ZFHX3: variants seen among roughly 807,000 people sequenced by gnomAD.
ZFHX3 encodes the protein zinc finger homeobox 3.
ZFHX3 carries 42 observed loss-of-function variants against 279.1 expected under a neutral mutation model. The observed-to-expected ratio is 0.15, with a 90% CI of 0.12 to 0.19. ZFHX3 has a LOEUF of 0.19. ZFHX3 is among the 10% of genes least tolerant of loss of function. ZFHX3 has a pLI of 1.00. For missense variants in ZFHX3, 4,981 were observed against 4,754.0 expected (o/e 1.05, Z -1.40); for synonymous variants, 2,293 against 1,957.8 (o/e 1.17, Z -4.52).
intron 4 of ZFHX3, among the ~76,000 whole-genome samples, chr16:72,852,724 C>G (rs1311025500): frequency 6.6e-6 from 1 of 152,200 alleles, no homozygotes; most frequent in Non-Finnish European, 1.5e-5. Flanking sequence ...GGGGCTACTT[C>G]TGTTCTCTGT....
intron 1 of ZFHX3, among the ~76,000 whole-genome samples, chr16:73,055,696 G>GCACACACACACACA (rs200899475): frequency 2.0e-4 from 19 of 94,754 alleles, no homozygotes; most frequent in East Asian, 1.4e-3. Context: ...GCGCGCGCGC[G>GCACACACACACACA]CGCACACACA....
chr16:72,950,416 G>A (rs896513179), intron 3 of ZFHX3, 53 bp downstream of exon 3: 16 of 1,584,128 alleles, frequency 1.0e-5, no homozygotes, highest in Admixed American at 1.7e-5. Context: ...TCCCCGGTGC[G>A]CAACCCCCTC....
At chr16:73,028,397 T>C (rs1964585582) in intron 1 of ZFHX3, among the ~76,000 whole-genome samples, 1 of 152,104 alleles carries the variant, frequency 6.6e-6, no homozygotes, top group Non-Finnish European at 1.5e-5. Context: ...TGCCCAGGTG[T>C]GGCCAGGCAG....
At chr16:73,014,003 C>T (rs764885421) in intron 1 of ZFHX3, among the ~76,000 whole-genome samples, 8 of 152,152 alleles carry the variant, frequency 5.3e-5, no homozygotes, top group Non-Finnish European at 7.4e-5. Flanking sequence ...AGGAGATGAT[C>T]GTGGATTATC....
intron 5 of ZFHX3, among the ~76,000 whole-genome samples, chr16:73,201,159 C>A (rs1481438625): frequency 6.6e-6 from 1 of 152,188 alleles, no homozygotes; most frequent in Non-Finnish European, 1.5e-5. Flanking sequence ...ACAGTGAGAG[C>A]CAAAGCAAGA....
chr16:73,105,090 A>G (rs557433130), intron 7 of ZFHX3, among the ~76,000 whole-genome samples: 1 of 152,070 alleles, frequency 6.6e-6, no homozygotes, highest in Non-Finnish European at 1.5e-5. Flanking sequence ...GTCCTTGGCC[A>G]CTGCTTTCTT....
chr16:73,575,461 T>C (rs1190930937), intron 2 of ZFHX3, among the ~76,000 whole-genome samples: 1 of 152,184 alleles, frequency 6.6e-6, no homozygotes, highest in African/African-American at 2.4e-5. Flanking sequence ...AGGTCATTTT[T>C]CAAGTTAACA....
At position 73,530,987 on chromosome 16, in the gene ZFHX3, A is replaced by T. The variant is rs1160398595; in HGVS notation, c.-1546-74729T>A. On this transcript the variant is annotated intron_variant, in intron 2 of 17. Coordinates refer to the ZFHX3 transcript ENST00000641206. The stretch of plus-strand genomic sequence containing the variant: ...TGCTGAAAACCTAAAAGTTGTTTTT[A>T]TGCTCCTAACGGGAGAGATGAAACA... Among the ~76,000 whole-genome samples, 3 of 152,214 alleles carry T rather than the reference A, an allele frequency of 2.0e-5. No homozygotes were observed. The East Asian group carries it at 5.8e-4, about 29-fold the overall frequency.
intron 1 of ZFHX3, among the ~76,000 whole-genome samples, chr16:73,817,541 GA>G (rs1255728377): frequency 2.0e-5 from 3 of 152,168 alleles, no homozygotes; most frequent in African/African-American, 7.2e-5. Context: ...CTGACAGAGA[GA>G]TTGGGAAGTT....
intron 1 of ZFHX3, among the ~76,000 whole-genome samples, chr16:73,778,413 T>G (rs894452229): frequency 1.1e-4 from 16 of 152,220 alleles, no homozygotes; most frequent in African/African-American, 3.9e-4. Flanking sequence ...TTACCTTGTC[T>G]ACAAAAGTTG....
chr16:72,924,645 A>G (rs926014659), intron 3 of ZFHX3, among the ~76,000 whole-genome samples: 8 of 152,306 alleles, frequency 5.3e-5, no homozygotes, highest in South Asian at 2.1e-4. Context: ...ACCAGCCCTA[A>G]GAAGCCAACA....
intron 3 of ZFHX3, among the ~76,000 whole-genome samples, chr16:73,338,654 C>T (rs1178689669): frequency 6.6e-6 from 1 of 152,110 alleles, no homozygotes; most frequent in Non-Finnish European, 1.5e-5. Context: ...TGCACCCCCA[C>T]CCCTGCCAAT....
chr16:73,604,386 A>G (rs999957393), intron 2 of ZFHX3, among the ~76,000 whole-genome samples: 2 of 152,096 alleles, frequency 1.3e-5, no homozygotes, highest in Non-Finnish European at 1.5e-5. Context: ...GCAATTTCAA[A>G]TCTAATCCAC....
At chr16:73,276,606 C>CT (rs2014309044) in intron 4 of ZFHX3, among the ~76,000 whole-genome samples, 2 of 152,168 alleles carry the variant, frequency 1.3e-5, no homozygotes, top group East Asian at 1.9e-4. Context: ...AAAATATTTC[C>CT]TTTTTTTAGT....
chr16:72,787,039 CTTT>C lies in ZFHX3; in HGVS notation c.*122_*124del, dbSNP rs76239888. On this transcript the variant is annotated 3_prime_UTR_variant, in exon 10 of 10. Coordinates refer to ENST00000268489, the MANE Select transcript of ZFHX3 (RefSeq NM_006885.4). ...ACAACCCACGCTTTTTCTTTTTTTT[CTTT>C]TTTTTTTTTTTTTTGTTTTTTGGTT... The C allele has an allele frequency of 5.0e-3, 3,412 of 677,174 alleles. No homozygotes were observed. Among genetic ancestry groups the C allele is most frequent in the Middle Eastern group, 6.7e-3 (12 of 1,778 alleles). The allele number at this position is 677,174 out of a possible 1,614,324, so 41.9% of individuals were successfully genotyped here. A position where few individuals can be genotyped will look rare whatever the true frequency, so the allele number is the denominator to read the frequency against.
In ZFHX3 at chr16:73,386,542, C is replaced by A. The variant is rs867341627; in HGVS notation, c.-1290-68206G>T. Among the ~76,000 whole-genome samples the A allele has an allele frequency of 5.9e-5, 9 of 152,200 alleles. No individual in the cohort carries two copies. The South Asian group carries it at 6.2e-4, about 11-fold the overall frequency. On this transcript the variant is annotated intron_variant, in intron 3 of 17. Transcript: ENST00000641206. ...GGACATAACATTAATATTGTTTTAG[C>A]CTCCTGGAGGTGTTTGCATTTTCAT...
chr16:73,066,331 T>C (rs62055088), intron 8 of ZFHX3, among the ~76,000 whole-genome samples: 4,005 of 152,266 alleles, frequency 0.026, 52 homozygotes, highest in East Asian at 0.04. Flanking sequence ...AACCTTATCA[T>C]TGAGAATTCG....
At chr16:73,090,776 T>C (rs755206064) in intron 8 of ZFHX3, among the ~76,000 whole-genome samples, 38 of 151,168 alleles carry the variant, frequency 2.5e-4, no homozygotes, top group Non-Finnish European at 4.0e-4. Flanking sequence ...CCAGGTGTAC[T>C]GGTGTGCATC....
chr16:73,634,824 A>C (rs1024925356), intron 2 of ZFHX3, among the ~76,000 whole-genome samples: 3 of 152,188 alleles, frequency 2.0e-5, no homozygotes, highest in African/African-American at 7.2e-5. Flanking sequence ...CTCCTTCGTA[A>C]AATCTTGAAA....
Sources: gnomAD v4.1 joint callset for allele counts (sites outside exome capture counted in the v4.1 genomes callset) on GRCh38, gnomAD v4.1.1 for gene constraint, MANE v1.5 for transcripts, NCBI Gene and HGNC (gene_info 2026-07-23, HGNC 2026-07-21) for gene names.